PRDM8: variants seen among roughly 807,000 people sequenced by gnomAD.
The protein encoded by PRDM8 is PR/SET domain 8, also known as PR domain zinc finger protein 8.
A neutral mutation model predicts 46.5 loss-of-function variants in PRDM8; 13 were observed. That is an observed-to-expected ratio of 0.28 (90% CI 0.18 to 0.44). The LOEUF (loss-of-function observed/expected upper bound fraction) is 0.44. PRDM8 is among the 20% of genes least tolerant of loss of function. PRDM8 has a pLI of 1.00. For missense variants in PRDM8, 998 were observed against 955.0 expected (o/e 1.04, Z -0.59); for synonymous variants, 473 against 438.4 (o/e 1.08, Z -0.98).
chr4:80,202,683 G>A lies in PRDM8; in HGVS notation c.1221G>A (p.Ala407=), dbSNP rs1738609115. 2 of 1,408,170 alleles carry A rather than the reference G, an allele frequency of 1.4e-6. No individual in the cohort carries two copies. The highest frequency in any genetic ancestry group is 1.8e-6 in the Non-Finnish European group (2 of 1,086,132). 87.2% of individuals were successfully genotyped at this position (1,408,170 alleles called of 1,614,324 possible). A position where few individuals can be genotyped will look rare whatever the true frequency, so the allele number is the denominator to read the frequency against. ...AGGAGGAGGGGACAGCCGACGGCGC[G>A]GGAGTCGCCTCCGAGGACCAGGACG... The part of the protein sequence containing the change: ...SLQEEGTADG[A]GVASEDQDAG... Residue 407 remains alanine (A), a synonymous_variant, in exon 4 of 4, where the codon GCG becomes GCA. Coordinates refer to ENST00000415738, the MANE Select transcript of PRDM8 (RefSeq NM_001099403.2).
chr4:80,200,163 G>A lies in PRDM8; in HGVS notation c.83G>A (p.Ser28Asn), dbSNP rs752381986. 1.2e-5 allele frequency: 20 copies of A among 1,613,988 alleles called. No homozygotes were observed. Among genetic ancestry groups the A allele is most frequent in the Non-Finnish European group, 1.6e-5 (19 of 1,180,018 alleles). ...CAATGTCTGACAGATATTTTTACCA[G>A]CGTTTACACCACCTGCGACATCCCT... ...VQQCLTDIFTSVYTTCDIPEN... is the reference protein window; with the variant it reads ...VQQCLTDIFTNVYTTCDIPEN... Residue 28 changes from serine to asparagine, a missense_variant, in exon 2 of 4, where the codon AGC becomes AAC. By Grantham distance (46) the Ser-to-Asn change is conservative. Transcript: ENST00000415738.
At chr4:80,185,998 C>G (rs1737046042) in intron 1 of PRDM8, among the ~76,000 whole-genome samples, 1 of 152,152 alleles carries the variant, frequency 6.6e-6, no homozygotes, top group South Asian at 2.1e-4. Flanking sequence ...GTCGCTGCAG[C>G]TGGCTTCTCA....
At chr4:80,195,176 G>A (rs540947276), upstream of PRDM8, among the ~76,000 whole-genome samples, 1 of 152,256 alleles carries the variant, frequency 6.6e-6, no homozygotes, top group South Asian at 2.1e-4. Flanking sequence ...AAAGCATTAA[G>A]GAGTGTTCTG....
rs1266975587 is a variant in PRDM8 at position 80,197,728 on chromosome 4, C to T, written c.-38C>T. On this transcript the variant is annotated 5_prime_UTR_variant, in exon 1 of 4. Transcript: ENST00000415738. Reference sequence around the variant, plus strand: ...ATTGCATCTTCCCGGTTCCAGGTGGCCTTATTTGGGAGATTCTATACTGAC... The same window carrying T: ...ATTGCATCTTCCCGGTTCCAGGTGGTCTTATTTGGGAGATTCTATACTGAC... 1 of 983,800 alleles carries T rather than the reference C, an allele frequency of 1.0e-6. No individual in the cohort carries two copies. Among genetic ancestry groups the T allele is most frequent in the Non-Finnish European group, 1.2e-6 (1 of 828,234 alleles). 60.9% of individuals were successfully genotyped at this position (983,800 alleles called of 1,614,324 possible).
intron 2 of PRDM8, among the ~76,000 whole-genome samples, chr4:80,191,740 T>C (rs979283737): frequency 2.6e-5 from 4 of 152,206 alleles, no homozygotes; most frequent in African/African-American, 9.6e-5. Flanking sequence ...CCTCTTCATA[T>C]AATGTTTTGG....
upstream of PRDM8, chr4:80,194,022 T>G (rs79793704): frequency 0.017 from 2,630 of 156,426 alleles, 66 homozygotes; most frequent in African/African-American, 0.06. Flanking sequence ...GCTCCATTTT[T>G]GAACCCTGGG....
upstream of PRDM8, chr4:80,194,078 TCCCTTTCTTA>T (rs1250597344): frequency 8.6e-6 from 2 of 233,174 alleles, no homozygotes; most frequent in Admixed American, 6.5e-5. Context: ...GAATTAAAAT[TCCCTTTCTTA>T]CCCTTTCTCC....
At chr4:80,196,052 G>T (rs1737936260), upstream of PRDM8, 2 of 984,974 alleles carry the variant, frequency 2.0e-6, no homozygotes, top group Admixed American at 1.2e-4. Context: ...CAGTCACCAG[G>T]CTGTCAAAGC....
At chr4:80,186,174 T>C (rs904255437) in intron 1 of PRDM8, among the ~76,000 whole-genome samples, 13 of 152,152 alleles carry the variant, frequency 8.5e-5, no homozygotes, top group Non-Finnish European at 1.6e-4. Context: ...TGGGTTGTTA[T>C]AGAAATGGAG....
At chr4:80,198,509 T>C (rs1435699675) in intron 1 of PRDM8, among the ~76,000 whole-genome samples, 3 of 152,208 alleles carry the variant, frequency 2.0e-5, no homozygotes, top group East Asian at 3.8e-4. Flanking sequence ...ATGTCTACCT[T>C]GTATGGGGTA....
chr4:80,188,220 A>T (rs1737272858), intron 1 of PRDM8, among the ~76,000 whole-genome samples: 1 of 152,200 alleles, frequency 6.6e-6, no homozygotes, highest in Non-Finnish European at 1.5e-5. Flanking sequence ...AATTCTATTT[A>T]CCCAGCATTC....
upstream of PRDM8, among the ~76,000 whole-genome samples, chr4:80,192,964 A>G (rs1737664852): frequency 6.6e-6 from 1 of 152,204 alleles, no homozygotes; most frequent in Non-Finnish European, 1.5e-5. Flanking sequence ...CTGAACTCCA[A>G]CACAAGTGTA....
chr4:80,186,723 CT>C lies in PRDM8; in HGVS notation c.-983+1206del, dbSNP rs201021926. 8.5e-3 allele frequency among the ~76,000 whole-genome samples: 1,296 copies of C among 152,324 alleles called. 20 individuals are homozygous for C. The highest frequency in any genetic ancestry group is 0.03 in the African/African-American group (1,228 of 41,562). On this transcript the variant is annotated intron_variant, in intron 1 of 9. Coordinates refer to the PRDM8 transcript ENST00000339711. Reference sequence around the variant, plus strand: ...TAGTGCCCCTTTTATCTGGGGACCCCTGATGCATGCGATATTGCCCTTTAGA... The same window carrying C: ...TAGTGCCCCTTTTATCTGGGGACCCCGATGCATGCGATATTGCCCTTTAGA...
chr4:80,198,991 T>G (rs1179503165), intron 1 of PRDM8, among the ~76,000 whole-genome samples: 1 of 100,714 alleles, frequency 9.9e-6, no homozygotes, highest in Non-Finnish European at 1.7e-5. Flanking sequence ...TTTTTTTTTT[T>G]TTGTTTTTTT....
chr4:80,186,430 G>GGAGAGAGAGAGAGAGAGAGA (rs70944766), intron 1 of PRDM8, among the ~76,000 whole-genome samples: 13,773 of 129,576 alleles, frequency 0.11, 1,205 homozygotes, highest in Non-Finnish European at 0.13. Context: ...AAGGCAGGGT[G>GGAGAGAGAGAGAGAGAGAGA]GAGAGAGAGA....
rs1280274879 is a variant in PRDM8 at position 80,200,276 on chromosome 4, A to G, written c.196A>G (p.Arg66Gly). 6.2e-7 allele frequency: 1 copy of G among 1,613,790 alleles called. No homozygotes were observed. The highest frequency in any genetic ancestry group is 8.5e-7 in the Non-Finnish European group (1 of 1,179,694). ...CATAGCTCTCAAGTCTACTGACAAGAGAACAGTACCGTATATCTTTCGGGT... is the reference window on the plus strand; with the variant it reads ...CATAGCTCTCAAGTCTACTGACAAGGGAACAGTACCGTATATCTTTCGGGT... ...AFIALKSTDK[R>G]TVPYIFRVDT... Residue 66 changes from arginine to glycine, a missense_variant, in exon 2 of 4, where the codon AGA becomes GGA. Transcript: ENST00000415738.
chr4:80,203,069 G>A lies in PRDM8; in HGVS notation c.1607G>A (p.Arg536Lys). The change falls in exon 4 of 4, where the codon AGA becomes AAA. Residue 536 changes from arginine to lysine, a missense_variant. Physicochemically the swap from Arg to Lys is conservative, Grantham distance 26. Coordinates refer to ENST00000415738, the MANE Select transcript of PRDM8 (RefSeq NM_001099403.2). ...CHPADGVGPT[R>K]LYPAAADPLA... ...CCCGCCGACGGCGTGGGCCCCACCAGACTCTATCCCGCCGCCGCGGACCCT... is the reference window on the plus strand; with the variant it reads ...CCCGCCGACGGCGTGGGCCCCACCAAACTCTATCCCGCCGCCGCGGACCCT... 6.4e-7 allele frequency: 1 copy of A among 1,567,480 alleles called. No individual in the cohort carries two copies. Among genetic ancestry groups the A allele is most frequent in the East Asian group, 2.4e-5 (1 of 42,348 alleles).
rs1738061599 is a variant in PRDM8, at chr4:80,197,583, T to G, written c.-183T>G. Reference sequence around the variant, plus strand: ...TCCCTCCCTCCCTCCACCCCCCCAATCTTTTTCTCCCCATCTCTCCATCTC... The same window carrying G: ...TCCCTCCCTCCCTCCACCCCCCCAAGCTTTTTCTCCCCATCTCTCCATCTC... On this transcript the variant is annotated 5_prime_UTR_variant, in exon 1 of 4. Coordinates refer to ENST00000415738, the MANE Select transcript of PRDM8 (RefSeq NM_001099403.2). 7 of 472,708 alleles carry G rather than the reference T, an allele frequency of 1.5e-5. No individual in the cohort carries two copies. The highest frequency in any genetic ancestry group is 1.4e-4 in the African/African-American group (6 of 43,450). 29.3% of individuals were successfully genotyped at this position (472,708 alleles called of 1,614,324 possible).
chr4:80,197,720 C>G lies in PRDM8; in HGVS notation c.-46C>G. ...AACACTCGATTGCATCTTCCCGGTT[C>G]CAGGTGGCCTTATTTGGGAGATTCT... On this transcript the variant is annotated 5_prime_UTR_variant, in exon 1 of 4. Transcript: ENST00000415738. 5 of 982,444 alleles carry G rather than the reference C, an allele frequency of 5.1e-6. No individual in the cohort carries two copies. Among genetic ancestry groups the G allele is most frequent in the Non-Finnish European group, 4.8e-6 (4 of 826,820 alleles). The allele number at this position is 982,444 out of a possible 1,614,324, so 60.9% of individuals were successfully genotyped here. A position where few individuals can be genotyped will look rare whatever the true frequency, so the allele number is the denominator to read the frequency against.
Sources: gnomAD v4.1 joint callset for allele counts (sites outside exome capture counted in the v4.1 genomes callset) on GRCh38, gnomAD v4.1.1 for gene constraint, MANE v1.5 for transcripts, NCBI Gene and HGNC (gene_info 2026-07-23, HGNC 2026-07-21) for gene names.